Variants in FBXL13 observed in about 807,000 individuals in gnomAD.
FBXL13 encodes F-box and leucine rich repeat protein 13, also known as F-box and leucine-rich repeat protein 13.
A neutral mutation model predicts 83.6 loss-of-function variants in FBXL13; 67 were observed. The ratio of observed to expected loss-of-function variants is 0.80; its 90% confidence interval spans 0.66 to 0.98. The LOEUF is 0.98. Ranked by LOEUF, FBXL13 falls within the 50% of genes least tolerant of loss-of-function variation. The pLI, the probability that FBXL13 is intolerant of heterozygous loss-of-function variation, is 0.00. For missense variants in FBXL13, 822 were observed against 866.5 expected (o/e 0.95, Z 0.64); for synonymous variants, 272 against 299.5 (o/e 0.91, Z 0.95).
intron 17 of FBXL13, among the ~76,000 whole-genome samples, chr7:102,835,606 T>G (rs1345756606): frequency 2.4e-5 from 2 of 83,200 alleles, no homozygotes; most frequent in African/African-American, 1.0e-4. Context: ...TGACATTGTT[T>G]TTTTTTTTTT....
At chr7:102,964,730 C>T (rs905268670) in intron 7 of FBXL13, among the ~76,000 whole-genome samples, 1 of 152,110 alleles carries the variant, frequency 6.6e-6, no homozygotes, top group Non-Finnish European at 1.5e-5. Flanking sequence ...TGTAATCCAA[C>T]CTTTGCCTTA....
intron 8 of FBXL13, chr7:102,939,461 A>C (rs764845983): frequency 6.2e-7 from 1 of 1,613,142 alleles, no homozygotes; most frequent in South Asian, 1.1e-5. Flanking sequence ...ACATCCCTCC[A>C]GATATTGTTA....
At chr7:103,071,877 T>C (rs1798992548) in intron 1 of FBXL13, among the ~76,000 whole-genome samples, 1 of 152,094 alleles carries the variant, frequency 6.6e-6, no homozygotes, top group South Asian at 2.1e-4. Flanking sequence ...TTTAGAAAAG[T>C]ATAAAACCTG....
intron 15 of FBXL13, among the ~76,000 whole-genome samples, chr7:102,877,833 A>T (rs531915560): frequency 5.3e-5 from 8 of 152,336 alleles, no homozygotes; most frequent in Non-Finnish European, 1.2e-4. Flanking sequence ...ATTTCTAATA[A>T]GGAAAAAATA....
intron 6 of FBXL13, 107 bp from the exon 8 acceptor site, chr7:102,968,224 C>T (rs994662989): frequency 2.0e-5 from 13 of 650,030 alleles, no homozygotes; most frequent in Middle Eastern, 4.1e-4. Flanking sequence ...CACACACACA[C>T]GCATTAGTAA....
At chr7:103,024,857 A>ATATATATATATATATATATTTTT (rs1298384907) in intron 6 of FBXL13, among the ~76,000 whole-genome samples, 1 of 62,854 alleles carries the variant, frequency 1.6e-5, no homozygotes, top group African/African-American at 9.0e-5. Flanking sequence ...ATATATATAT[A>ATATATATATATATATATATTTTT]TTTTTTTTTT....
intron 11 of FBXL13, among the ~76,000 whole-genome samples, chr7:102,912,160 C>G (rs926329231): frequency 6.8e-6 from 1 of 146,616 alleles, no homozygotes; most frequent in Non-Finnish European, 1.5e-5. Context: ...TTCAACCACC[C>G]TGAGCCTTGG....
At chr7:102,965,068 A>C (rs1825834064) in intron 7 of FBXL13, among the ~76,000 whole-genome samples, 1 of 152,230 alleles carries the variant, frequency 6.6e-6, no homozygotes, top group African/African-American at 2.4e-5. Flanking sequence ...CGAACCCTTC[A>C]TGAACATTAC....
At chr7:102,861,126 T>G (rs575910105) in intron 16 of FBXL13, among the ~76,000 whole-genome samples, 10 of 152,094 alleles carry the variant, frequency 6.6e-5, no homozygotes, top group Non-Finnish European at 1.5e-4. Context: ...TTTTCCTATG[T>G]AACTATGTAG....
At chr7:102,968,820 G>C (rs894555727) in intron 6 of FBXL13, among the ~76,000 whole-genome samples, 7 of 152,126 alleles carry the variant, frequency 4.6e-5, no homozygotes, top group Admixed American at 1.3e-4. Flanking sequence ...ATAATAAAAT[G>C]GGTTCAGATT....
chr7:102,838,874 T>C (rs907777803), intron 17 of FBXL13, among the ~76,000 whole-genome samples: 1 of 152,146 alleles, frequency 6.6e-6, no homozygotes, highest in African/African-American at 2.4e-5. Context: ...TAGTCTGAAA[T>C]ATGGCCTCGT....
intron 17 of FBXL13, among the ~76,000 whole-genome samples, 166 bp from the exon 19 acceptor site, chr7:102,833,140 TTATA>T (rs1801019742): frequency 1.3e-5 from 2 of 152,216 alleles, no homozygotes; most frequent in Non-Finnish European, 2.9e-5. Flanking sequence ...CAACATCTGT[TTATA>T]GCAAAAGATA....
intron 2 of FBXL13, among the ~76,000 whole-genome samples, chr7:103,037,466 C>T (rs1002114942): frequency 9.2e-5 from 14 of 152,012 alleles, no homozygotes; most frequent in African/African-American, 2.4e-4. Flanking sequence ...TTTTTTTACA[C>T]GATGCTCCTC....
At chr7:103,042,313 A>G (rs1235863937) in intron 2 of FBXL13, among the ~76,000 whole-genome samples, 1 of 152,112 alleles carries the variant, frequency 6.6e-6, no homozygotes, top group African/African-American at 2.4e-5. Context: ...ACTGCTCAAC[A>G]CAATAAAAGA....
chr7:102,963,804 A>G, intron 7 of FBXL13, 139 bp from the exon 9 acceptor site: 1 of 773,008 alleles, frequency 1.3e-6, no homozygotes, highest in Admixed American at 3.6e-5. Context: ...TAGAGAAGAC[A>G]GACAACCTAT....
chr7:102,986,197 G>T (rs1406827396), intron 6 of FBXL13, among the ~76,000 whole-genome samples: 1 of 152,188 alleles, frequency 6.6e-6, no homozygotes, highest in Non-Finnish European at 1.5e-5. Flanking sequence ...GCCAAAAGCA[G>T]AAGTTGACAA....
intron 18 of FBXL13, among the ~76,000 whole-genome samples, chr7:102,831,012 G>A (rs1014091000): frequency 1.3e-5 from 2 of 152,116 alleles, no homozygotes; most frequent in African/African-American, 4.8e-5. Context: ...TCTATTGTAA[G>A]CTTCAATGAA....
chr7:103,054,779 T>C (rs1008385927), intron 2 of FBXL13, among the ~76,000 whole-genome samples: 2 of 152,106 alleles, frequency 1.3e-5, no homozygotes, highest in African/African-American at 4.8e-5. Flanking sequence ...CATAATTCTA[T>C]TTTCATCTTT....
intron 11 of FBXL13, among the ~76,000 whole-genome samples, chr7:102,905,165 G>A (rs1813567685): frequency 6.6e-6 from 1 of 152,136 alleles, no homozygotes; most frequent in Admixed American, 6.5e-5. Context: ...ATGTGTCTTT[G>A]TTGCTTTTCT....
Sources: gnomAD v4.1 joint callset for allele counts (sites outside exome capture counted in the v4.1 genomes callset) on GRCh38, gnomAD v4.1.1 for gene constraint, MANE v1.5 for transcripts, NCBI Gene and HGNC (gene_info 2026-07-23, HGNC 2026-07-21) for gene names.